Variants in LAMB2 observed in about 807,000 individuals in gnomAD.
LAMB2 encodes laminin subunit beta 2, also known as laminin subunit beta-2.
In LAMB2, 119 loss-of-function variants were observed where a neutral mutation model predicts 202.7. That is an observed-to-expected ratio of 0.59 (90% CI 0.51 to 0.68). The LOEUF (loss-of-function observed/expected upper bound fraction) is 0.68. Among genes scored for constraint, LAMB2 ranks in the 30% least tolerant of loss-of-function variants. LAMB2 has a pLI of 0.00. For synonymous variants in LAMB2, 818 were observed against 902.2 expected (o/e 0.91, Z 1.67); for missense variants, 2,124 against 2,410.6 (o/e 0.88, Z 2.49).
chr3:49,129,008 G>T lies in LAMB2; in HGVS notation c.1731+12C>A. On this transcript the variant is annotated intron_variant, in intron 13 of 31. Coordinates refer to ENST00000305544, the MANE Select transcript of LAMB2 (RefSeq NM_002292.4). This position sits in a 1 kb window ranked among gnomAD's most constrained non-coding sequence, Gnocchi z 6.1. ...CCACATCCAGCCCTCTGCTTAGGGG[G>T]AGGCCCCACACCTGCCCTCGGGTGT... 6.2e-7 allele frequency: 1 copy of T among 1,606,852 alleles called. No individual in the cohort carries two copies. The highest frequency in any genetic ancestry group is 8.5e-7 in the Non-Finnish European group (1 of 1,179,986).
intron 22 of LAMB2, 53 bp downstream of exon 22, chr3:49,124,342 T>C: frequency 6.2e-7 from 1 of 1,613,040 alleles, no homozygotes; most frequent in Admixed American, 1.7e-5. Context: ...GCCCTGGAGA[T>C]AAGACAGACA....
Position 49,129,019 on chromosome 3 carries a change from C to A in LAMB2, c.1731+1G>T. 1 of 1,608,522 alleles carries A rather than the reference C, an allele frequency of 6.2e-7. No homozygotes were observed. Among genetic ancestry groups the A allele is most frequent in the Non-Finnish European group, 8.5e-7 (1 of 1,180,006 alleles). On this transcript the variant is annotated splice_donor_variant, in intron 13 of 31. Coordinates refer to ENST00000305544, the MANE Select transcript of LAMB2 (RefSeq NM_002292.4). LOFTEE classifies it high-confidence loss of function. The surrounding 1 kb of genome is among the most constrained non-coding windows in gnomAD (Gnocchi z 6.1). ...CCTCTGCTTAGGGGGAGGCCCCACA[C>A]CTGCCCTCGGGTGTCCTCAGCCTCC... is the stretch of plus-strand genomic sequence containing the variant.
intron 27 of LAMB2, 60 bp downstream of exon 27, chr3:49,122,644 C>T: frequency 2.9e-6 from 4 of 1,374,502 alleles, no homozygotes; most frequent in East Asian, 4.6e-5. Context: ...AAGGGAGATA[C>T]AGACACCGGG....
Position 49,122,388 on chromosome 3 carries a change from G to A in LAMB2, c.4574-18C>T. 2 of 1,607,862 alleles carry A rather than the reference G, an allele frequency of 1.2e-6. No individual in the cohort carries two copies. Among genetic ancestry groups the A allele is most frequent in the South Asian group, 1.1e-5 (1 of 90,976 alleles). The stretch of plus-strand genomic sequence containing the variant: ...CCCCTCCTCTATAGGGACACAGCAA[G>A]AACTTAAGAACATAGATTCTCCAGC... On this transcript the variant is annotated intron_variant, in intron 27 of 31. Transcript: ENST00000305544.
At position 49,131,277 on chromosome 3, in the gene LAMB2, G is replaced by C; in HGVS notation, c.712+102C>G. On this transcript the variant is annotated intron_variant, in intron 6 of 31. Coordinates refer to ENST00000305544, the MANE Select transcript of LAMB2 (RefSeq NM_002292.4). The surrounding 1 kb of genome is among the most constrained non-coding windows in gnomAD (Gnocchi z 5.0). ...TACACTGCCACCCGAGCTAAACTGGGCTTGGCACCTGCCCTAGGAAGCACC... is the reference window on the plus strand; with the variant it reads ...TACACTGCCACCCGAGCTAAACTGGCCTTGGCACCTGCCCTAGGAAGCACC... The C allele has an allele frequency of 6.8e-7, 1 of 1,479,856 alleles. No homozygotes were observed. The allele number at this position is 1,479,856 out of a possible 1,614,324, so 91.7% of individuals were successfully genotyped here.
chr3:49,126,368 G>C lies in LAMB2; in HGVS notation c.2148C>G (p.Asp716Glu). The change falls in exon 16 of 32, where the codon GAC becomes GAG. Residue 716 changes from aspartate (D) to glutamate (E), a missense_variant. By Grantham distance (45) the Asp-to-Glu change is conservative. Around this residue, in one of 3 missense-constraint regions of LAMB2, gnomAD observed 1,702 missense variants for 1,896.3 expected, o/e 0.90. Coordinates refer to ENST00000305544, the MANE Select transcript of LAMB2 (RefSeq NM_002292.4). ...TGGGCAAGAGGAGATTATTCACCGA[G>C]TCAATGAGCAGGCCAGGTCCAGAGT... ...TPYSGPGLLI[D>E]SLVLLPRVLV... 6.2e-7 allele frequency: 1 copy of C among 1,614,162 alleles called. No individual in the cohort carries two copies. The highest frequency in any genetic ancestry group is 8.5e-7 in the Non-Finnish European group (1 of 1,180,024).
rs1156323184 is a variant in LAMB2, at chr3:49,124,715, C to T, written c.3095G>A (p.Arg1032Gln). The T allele has an allele frequency of 7.4e-6, 12 of 1,614,060 alleles. No homozygotes were observed. Among genetic ancestry groups the T allele is most frequent in the Admixed American group, 1.7e-5 (1 of 60,014 alleles). The change falls in exon 21 of 32, where the codon CGA becomes CAA. Residue 1032 changes from arginine to glutamine, a missense_variant. Arg to Gln is a conservative substitution (Grantham distance 43). Coordinates refer to ENST00000305544, the MANE Select transcript of LAMB2 (RefSeq NM_002292.4). The part of the protein sequence containing the change: ...CKPGFHGQAA[R>Q]QSCHRCTCNL... ...CTCATACTCACGGTGACAGCTCTGT[C>T]GGGCAGCCTGCCCATGGAAGCCAGG...
In LAMB2 at chr3:49,124,889, C is replaced by T; in HGVS notation, c.2921G>A (p.Gly974Glu). 6.2e-7 allele frequency: 1 copy of T among 1,614,118 alleles called. No homozygotes were observed. Among genetic ancestry groups the T allele is most frequent in the Non-Finnish European group, 8.5e-7 (1 of 1,180,040 alleles). Residue 974 changes from glycine to glutamate, a missense_variant, in exon 21 of 32, where the codon GGG becomes GAG. Gly to Glu is a moderately conservative substitution (Grantham distance 98, BLOSUM62 -2). Coordinates refer to ENST00000305544, the MANE Select transcript of LAMB2 (RefSeq NM_002292.4). Reference sequence around the variant, plus strand: ...CCGGCCACCTGGCCTTGATGGGTCCCCAAAGTGCCCAGGGGCACAAGCTTC... The same window carrying T: ...CCGGCCACCTGGCCTTGATGGGTCCTCAAAGTGCCCAGGGGCACAAGCTTC... ...RCEACAPGHF[G>E]DPSRPGGRCQ...
intron 30 of LAMB2, 28 bp from the exon 31 acceptor site, chr3:49,121,620 T>G (rs2107624885): frequency 6.2e-7 from 1 of 1,614,022 alleles, no homozygotes; most frequent in African/African-American, 1.3e-5. Context: ...TAGGTTAGCG[T>G]GGTAGCTCAG....
intron 14 of LAMB2, 32 bp downstream of exon 14, chr3:49,128,629 G>A: frequency 6.2e-7 from 1 of 1,614,196 alleles, no homozygotes; most frequent in Non-Finnish European, 8.5e-7. Flanking sequence ...ACACCCAGAG[G>A]TTCAGCCCCA....
At chr3:49,122,560 G>C (rs2045342467) in intron 27 of LAMB2, 144 bp downstream of exon 27, 1 of 928,418 alleles carries the variant, frequency 1.1e-6, no homozygotes, top group African/African-American at 1.6e-5. Context: ...ACCACATATG[G>C]GCAATAACTC....
chr3:49,125,046 A>C lies in LAMB2; in HGVS notation c.2844T>G (p.Tyr948Ter). ...GGCAGTGGCACACAATCTGCTGGGA[A>C]TATTCATCCTGGTGGCAAGAAGTAG... is the stretch of plus-strand genomic sequence containing the variant. ...HFATSCHQDE[Y>*]SQQIVCHCRA... The change falls in exon 20 of 32, where the codon TAT becomes TAG. Residue 948 changes from tyrosine (Y) to a stop codon, truncating the protein, a stop_gained. Transcript: ENST00000305544. LOFTEE classifies it high-confidence loss of function. The C allele has an allele frequency of 6.2e-7, 1 of 1,613,896 alleles. No homozygotes were observed. The highest frequency in any genetic ancestry group is 8.5e-7 in the Non-Finnish European group (1 of 1,180,014).
At position 49,123,575 on chromosome 3, in the gene LAMB2, T is replaced by A. The variant is rs769286220; in HGVS notation, c.3854A>T (p.Asp1285Val). The A allele has an allele frequency of 6.2e-7, 1 of 1,614,206 alleles. No individual in the cohort carries two copies. Among genetic ancestry groups the A allele is most frequent in the South Asian group, 1.1e-5 (1 of 91,088 alleles). Residue 1285 changes from aspartate (D) to valine (V), a missense_variant, in exon 25 of 32, where the codon GAT becomes GTT. This residue lies in a region of LAMB2 where 1,702 missense variants were observed against 1,896.3 expected (regional missense o/e 0.90). Coordinates refer to ENST00000305544, the MANE Select transcript of LAMB2 (RefSeq NM_002292.4). ...HLTQLEADLT[D>V]VQDENFNANH... ...GGCATTGAAGTTCTCATCTTGCACA[T>A]CTGTCAGGTCTGCCTCGAGCTGAGT... is the stretch of plus-strand genomic sequence containing the variant.
chr3:49,123,842 T>G lies in LAMB2; in HGVS notation c.3683A>C (p.Glu1228Ala). 6.2e-7 allele frequency: 1 copy of G among 1,613,282 alleles called. No individual in the cohort carries two copies. Among genetic ancestry groups the G allele is most frequent in the Non-Finnish European group, 8.5e-7 (1 of 1,179,832 alleles). The change falls in exon 24 of 32, where the codon GAG (glutamate) becomes GCG (alanine). Residue 1228 changes from glutamate to alanine, a missense_variant. By Grantham distance (107) the Glu-to-Ala change is moderately radical. This residue lies in a region of LAMB2 where 1,702 missense variants were observed against 1,896.3 expected (regional missense o/e 0.90). Coordinates refer to ENST00000305544, the MANE Select transcript of LAMB2 (RefSeq NM_002292.4). ...LQQTGVLGAF[E>A]SSFWHMQEKL... Reference sequence around the variant, plus strand: ...CTCCTGCATGTGCCAGAAGCTGCTCTCAAAGGCACCCAGCACACCCGTCTG... The same window carrying G: ...CTCCTGCATGTGCCAGAAGCTGCTCGCAAAGGCACCCAGCACACCCGTCTG...
Position 49,129,524 on chromosome 3 carries a change from A to T in LAMB2, c.1518+80T>A. 2 of 1,238,102 alleles carry T rather than the reference A, an allele frequency of 1.6e-6. No homozygotes were observed. The highest frequency in any genetic ancestry group is 1.2e-5 in the South Asian group (1 of 80,050). 76.7% of individuals were successfully genotyped at this position (1,238,102 alleles called of 1,614,324 possible). ...GATCCTAAGCTCTCAGCACCCACCC[A>T]CTGGCATAGATGTGACACCCCAGCC... On this transcript the variant is annotated intron_variant, in intron 11 of 31. Coordinates refer to ENST00000305544, the MANE Select transcript of LAMB2 (RefSeq NM_002292.4). The surrounding 1 kb of genome is among the most constrained non-coding windows in gnomAD (Gnocchi z 6.1).
rs755755781 is a variant in LAMB2, at chr3:49,123,166, G to T, written c.4190C>A (p.Thr1397Asn). 4.3e-6 allele frequency: 7 copies of T among 1,613,526 alleles called. No individual in the cohort carries two copies. Among genetic ancestry groups the T allele is most frequent in the Non-Finnish European group, 5.1e-6 (6 of 1,180,026 alleles). ...TATGTCTGTCAGGCTCAGGGTGTGG[G>T]TATGGGCAGAGAGCTTGCCAAGTGC... ...QRALGKLSAHTHTLSLTDINE... is the reference protein window; with the variant it reads ...QRALGKLSAHNHTLSLTDINE... The change falls in exon 26 of 32, where the codon ACC (threonine) becomes AAC (asparagine). Residue 1397 changes from threonine (T) to asparagine (N), a missense_variant. Thr to Asn is a moderately conservative substitution (Grantham distance 65, BLOSUM62 0). Transcript: ENST00000305544.
At position 49,123,858 on chromosome 3, in the gene LAMB2, C is replaced by G; in HGVS notation, c.3667G>C (p.Val1223Leu). Reference protein sequence around the residue: ...QRAQELQQTGVLGAFESSFWH... With the variant: ...QRAQELQQTGLLGAFESSFWH... ...AAGCTGCTCTCAAAGGCACCCAGCA[C>G]ACCCGTCTGTTGCAACTCCTGCGCC... is the stretch of plus-strand genomic sequence containing the variant. The change falls in exon 24 of 32, where the codon GTG becomes CTG. Residue 1223 changes from valine (V) to leucine (L), a missense_variant. Around this residue, in one of 3 missense-constraint regions of LAMB2, gnomAD observed 1,702 missense variants for 1,896.3 expected, o/e 0.90. Transcript: ENST00000305544. 1.2e-6 allele frequency: 2 copies of G among 1,613,440 alleles called. No individual in the cohort carries two copies. Among genetic ancestry groups the G allele is most frequent in the Non-Finnish European group, 1.7e-6 (2 of 1,179,936 alleles).
chr3:49,131,112 A>T lies in LAMB2; in HGVS notation c.753T>A (p.Arg251=), dbSNP rs779951635. The T allele has an allele frequency of 1.2e-6, 2 of 1,613,602 alleles. No homozygotes were observed. Among genetic ancestry groups the T allele is most frequent in the Non-Finnish European group, 1.7e-6 (2 of 1,179,990 alleles). Residue 251 remains arginine, a synonymous_variant, in exon 7 of 32, where the codon CGT becomes CGA. Coordinates refer to ENST00000305544, the MANE Select transcript of LAMB2 (RefSeq NM_002292.4). The surrounding 1 kb of genome is among the most constrained non-coding windows in gnomAD (Gnocchi z 5.0). ...GTAGGTTGTCTCCCAACGTGTGTAG[A>T]CGAGTCAGGTTCACCCGTAGGTTGG... ...KITNLRVNLT[R]LHTLGDNLLD...
In LAMB2 at chr3:49,124,069, T is replaced by A; in HGVS notation, c.3456A>T (p.Thr1152=). 6.2e-7 allele frequency: 1 copy of A among 1,613,832 alleles called. No homozygotes were observed. The highest frequency in any genetic ancestry group is 8.5e-7 in the Non-Finnish European group (1 of 1,180,006). Residue 1152 remains threonine (T), a synonymous_variant, in exon 24 of 32, where the codon ACA becomes ACT. Coordinates refer to ENST00000305544, the MANE Select transcript of LAMB2 (RefSeq NM_002292.4). ...ACDCDSRGID[T]PQCHRFTGHC... is the part of the protein sequence containing the mutation. The stretch of plus-strand genomic sequence containing the variant: ...GACCTGTGAAGCGGTGACACTGAGG[T>A]GTATCTATTCCACGAGAGTCACAAT...
Sources: allele counts gnomAD v4.1 joint callset, GRCh38; gene constraint gnomAD v4.1.1; regional missense constraint gnomAD v4.1.1; non-coding constraint Gnocchi (gnomAD v3.1); transcripts MANE v1.5; gene names NCBI Gene and HGNC (gene_info 2026-07-23, HGNC 2026-07-21).